PLCB1: variants seen among roughly 807,000 people sequenced by gnomAD.
The protein encoded by PLCB1 is phospholipase C beta 1.
In PLCB1, 46 loss-of-function variants were observed where a neutral mutation model predicts 161.8. The observed-to-expected ratio is 0.28, with a 90% CI of 0.22 to 0.36. The LOEUF (loss-of-function observed/expected upper bound fraction) is 0.36. Ranked by LOEUF, PLCB1 falls within the 10% of genes least tolerant of loss-of-function variation. The probability of loss-of-function intolerance (pLI) is 1.00; values close to 1 mark genes in which losing one functional copy is unlikely to be tolerated. For missense variants in PLCB1, 1,016 were observed against 1,472.5 expected, an observed-to-expected ratio of 0.69 and a Z score of 5.07; for synonymous variants, 517 against 503.7, an observed-to-expected ratio of 1.03 and a Z score of -0.35.
At chr20:8,603,177 T>C (rs1600185486) in intron 3 of PLCB1, among the ~76,000 whole-genome samples, 1 of 152,190 alleles carries the variant, frequency 6.6e-6, no homozygotes, top group South Asian at 2.1e-4. Flanking sequence ...TTTAAAGAAA[T>C]GTGCCAGAAG....
intron 3 of PLCB1, among the ~76,000 whole-genome samples, chr20:8,402,817 C>G (rs1978619026): frequency 6.6e-6 from 1 of 151,860 alleles, no homozygotes; most frequent in African/African-American, 2.4e-5. Context: ...TGCACTCCAG[C>G]CTGGGCAACA....
At chr20:8,584,245 T>C (rs962386219) in intron 3 of PLCB1, among the ~76,000 whole-genome samples, 3 of 152,174 alleles carry the variant, frequency 2.0e-5, no homozygotes, top group African/African-American at 7.2e-5. Flanking sequence ...CAGCCACTGA[T>C]ACCAAGGTAT....
At chr20:8,607,975 A>C (rs1426834486) in intron 3 of PLCB1, among the ~76,000 whole-genome samples, 2 of 152,208 alleles carry the variant, frequency 1.3e-5, no homozygotes, top group African/African-American at 2.4e-5. Context: ...ACATGTATCA[A>C]GACATCATGT....
At chr20:8,493,376 T>C (rs1340482233) in intron 3 of PLCB1, among the ~76,000 whole-genome samples, 1 of 152,216 alleles carries the variant, frequency 6.6e-6, no homozygotes, top group African/African-American at 2.4e-5. Flanking sequence ...ATTTTTTGTG[T>C]AGGTTGTATA....
intron 2 of PLCB1, among the ~76,000 whole-genome samples, chr20:8,293,766 A>G (rs1165693757): frequency 6.6e-6 from 1 of 152,210 alleles, no homozygotes; most frequent in Non-Finnish European, 1.5e-5. Flanking sequence ...TGCTTTGAGA[A>G]TCACTTAGCT....
intron 3 of PLCB1, among the ~76,000 whole-genome samples, chr20:8,390,162 A>G (rs1366642535): frequency 6.6e-6 from 1 of 152,198 alleles, no homozygotes. Context: ...CTTAAAGCTT[A>G]AACAACAGAA....
At chr20:8,733,199 A>C in intron 18 of PLCB1, 39 bp from the exon 19 acceptor site, 1 of 1,603,992 alleles carries the variant, frequency 6.2e-7, no homozygotes, top group East Asian at 2.2e-5. Flanking sequence ...CCCCAAGTAT[A>C]GATAAACTCA....
At chr20:8,346,922 G>T (rs1009659690) in intron 2 of PLCB1, among the ~76,000 whole-genome samples, 25 of 152,164 alleles carry the variant, frequency 1.6e-4, no homozygotes, top group African/African-American at 5.3e-4. Flanking sequence ...ATAACTCAGT[G>T]GAAAGCTAGC....
At chr20:8,523,037 CAATGG>C (rs1984413424) in intron 3 of PLCB1, among the ~76,000 whole-genome samples, 1 of 152,028 alleles carries the variant, frequency 6.6e-6, no homozygotes, top group South Asian at 2.1e-4. Context: ...TCGTGGTCCT[CAATGG>C]AATCGGCAGT....
intron 31 of PLCB1, among the ~76,000 whole-genome samples, chr20:8,848,307 C>A (rs1986762313): frequency 6.6e-6 from 1 of 152,122 alleles, no homozygotes. Context: ...AACCTGGAAG[C>A]TTTACATCAT....
At chr20:8,697,401 G>A (rs945414563) in intron 10 of PLCB1, among the ~76,000 whole-genome samples, 8 of 152,120 alleles carry the variant, frequency 5.3e-5, no homozygotes, top group African/African-American at 1.7e-4. Context: ...AACATGCATC[G>A]TTGTTATTGT....
intron 2 of PLCB1, among the ~76,000 whole-genome samples, chr20:8,254,823 G>T (rs1479544976): frequency 6.6e-6 from 1 of 151,952 alleles, no homozygotes; most frequent in Admixed American, 6.6e-5. Context: ...AGTTGCTGAA[G>T]GTTCACTTTA....
At chr20:8,418,703 C>A (rs1036671377) in intron 3 of PLCB1, among the ~76,000 whole-genome samples, 1 of 151,766 alleles carries the variant, frequency 6.6e-6, no homozygotes, top group Non-Finnish European at 1.5e-5. Context: ...GAGGATAATT[C>A]CTTTGTCCAT....
At chr20:8,835,308 A>G (rs1369795432) in intron 31 of PLCB1, among the ~76,000 whole-genome samples, 2 of 152,180 alleles carry the variant, frequency 1.3e-5, no homozygotes, top group East Asian at 1.9e-4. Flanking sequence ...GGCTGGTAGC[A>G]GGCTTGATAG....
At chr20:8,289,685 G>A (rs1983294403) in intron 2 of PLCB1, among the ~76,000 whole-genome samples, 1 of 152,130 alleles carries the variant, frequency 6.6e-6, no homozygotes, top group Non-Finnish European at 1.5e-5. Flanking sequence ...AGGCTAACAA[G>A]TAAAGACAAT....
intron 3 of PLCB1, among the ~76,000 whole-genome samples, chr20:8,460,510 T>C (rs1981531103): frequency 6.6e-6 from 1 of 152,264 alleles, no homozygotes; most frequent in African/African-American, 2.4e-5. Flanking sequence ...CATTAACTGC[T>C]GTTCAAAAAT....
At chr20:8,352,836 A>G (rs1361417104) in intron 2 of PLCB1, among the ~76,000 whole-genome samples, 1 of 152,154 alleles carries the variant, frequency 6.6e-6, no homozygotes, top group Non-Finnish European at 1.5e-5. Context: ...AGAGCAAAGG[A>G]AAGGTGCTAG....
intron 2 of PLCB1, among the ~76,000 whole-genome samples, chr20:8,195,384 G>C (rs2052010921): frequency 6.6e-6 from 1 of 151,936 alleles, no homozygotes; most frequent in Non-Finnish European, 1.5e-5. Flanking sequence ...TCATAAATGG[G>C]ATTAGTGCCC....
At chr20:8,857,780 A>T (rs756772985) in intron 31 of PLCB1, among the ~76,000 whole-genome samples, 1 of 152,194 alleles carries the variant, frequency 6.6e-6, no homozygotes, top group African/African-American at 2.4e-5. Context: ...TGATATCTCA[A>T]TGTGGTCTAG....
Sources: allele counts gnomAD v4.1 joint callset (sites outside exome capture counted in the v4.1 genomes callset), GRCh38; gene constraint gnomAD v4.1.1; transcripts MANE v1.5; gene names NCBI Gene and HGNC (gene_info 2026-07-23, HGNC 2026-07-21).